C12orf42: variants seen among roughly 807,000 people sequenced by gnomAD.
C12orf42 encodes uncharacterized protein C12orf42.
A neutral mutation model predicts 21.6 loss-of-function variants in C12orf42; 25 were observed. That is an observed-to-expected ratio of 1.16 (90% confidence interval 0.84 to 1.62). The LOEUF (loss-of-function observed/expected upper bound fraction) is 1.62, where lower values mean the gene tolerates loss of function less well. Among genes scored for constraint, C12orf42 ranks in the 40% most tolerant of loss-of-function variants. The pLI is 0.00. For missense variants in C12orf42, 483 were observed against 459.3 expected, an observed-to-expected ratio of 1.05 and a Z score of -0.47; for synonymous variants, 174 against 175.0, an observed-to-expected ratio of 0.99 and a Z score of 0.05.
chr12:103,493,286 C>T (rs1001371804), intron 1 of C12orf42, among the ~76,000 whole-genome samples: 2 of 152,166 alleles, frequency 1.3e-5, no homozygotes, highest in Admixed American at 6.5e-5. Flanking sequence ...CCTCATCTTG[C>T]AATATTCTCC....
the C12orf42 span, among the ~76,000 whole-genome samples, chr12:103,529,195 CA>C: frequency 2.6e-5 from 4 of 152,204 alleles, no homozygotes; most frequent in Non-Finnish European, 5.9e-5. Flanking sequence ...CAAATCATCA[CA>C]ATGAACAGTA....
chr12:103,490,107 T>C (rs1294942405), intron 1 of C12orf42, among the ~76,000 whole-genome samples: 2 of 152,166 alleles, frequency 1.3e-5, no homozygotes, highest in Non-Finnish European at 2.9e-5. Flanking sequence ...CTATGTCAGG[T>C]TTATGTATTG....
At chr12:103,330,043 T>C (rs1478841728) in intron 4 of C12orf42, among the ~76,000 whole-genome samples, 1 of 152,174 alleles carries the variant, frequency 6.6e-6, no homozygotes, top group Non-Finnish European at 1.5e-5. Flanking sequence ...TGGGACCTCC[T>C]TTGCTCATTT....
At chr12:103,563,017 T>C in the C12orf42 span, among the ~76,000 whole-genome samples, 1 of 152,182 alleles carries the variant, frequency 6.6e-6, no homozygotes, top group Non-Finnish European at 1.5e-5. Flanking sequence ...AATGAACAAA[T>C]AGTTTGGATT....
the C12orf42 span, among the ~76,000 whole-genome samples, chr12:103,507,275 A>ATATATAAATATATAATATATATAT: frequency 1.4e-3 from 52 of 37,452 alleles, 5 homozygotes; most frequent in African/African-American, 0.018. Context: ...TATATATATT[A>ATATATAAATATATAATATATATAT]TATATATTTT....
chr12:103,057,766 G>A, the C12orf42 span, among the ~76,000 whole-genome samples: 1 of 152,024 alleles, frequency 6.6e-6, no homozygotes, highest in Non-Finnish European at 1.5e-5. Context: ...AGATCCTTGA[G>A]GAATCACCAC....
intron 10 of C12orf42, among the ~76,000 whole-genome samples, chr12:103,256,980 T>C (rs2034647463): frequency 1.3e-5 from 2 of 152,196 alleles, no homozygotes; most frequent in South Asian, 2.1e-4. Context: ...TCATTGTGGT[T>C]TTGACTGGAT....
At chr12:103,384,294 C>A (rs1373487802) in intron 3 of C12orf42, among the ~76,000 whole-genome samples, 1 of 151,946 alleles carries the variant, frequency 6.6e-6, no homozygotes, top group Non-Finnish European at 1.5e-5. Context: ...CTAGGAGAAA[C>A]AAAAAGGCAA....
At chr12:103,279,866 A>G (rs2035998365) in intron 4 of C12orf42, among the ~76,000 whole-genome samples, 1 of 152,148 alleles carries the variant, frequency 6.6e-6, no homozygotes, top group East Asian at 1.9e-4. Flanking sequence ...ATTATTGGAG[A>G]ACAGGTTTTC....
chr12:103,325,510 G>A (rs1371323272), intron 4 of C12orf42, among the ~76,000 whole-genome samples: 1 of 152,220 alleles, frequency 6.6e-6, no homozygotes. Flanking sequence ...TAAGCAAACA[G>A]CCAGTATTCT....
intron 4 of C12orf42, among the ~76,000 whole-genome samples, chr12:103,329,814 C>T (rs937044011): frequency 8.6e-5 from 13 of 151,784 alleles, no homozygotes; most frequent in African/African-American, 3.1e-4. Context: ...AGCTTTCCCC[C>T]TTTCTATTGC....
At chr12:103,341,106 C>CT (rs2042122574) in intron 4 of C12orf42, among the ~76,000 whole-genome samples, 1 of 96,710 alleles carries the variant, frequency 1.0e-5, no homozygotes, top group Non-Finnish European at 1.8e-5. Context: ...GAGCAAGACT[C>CT]TGTCTCAAAA....
chr12:103,219,609 C>T, the C12orf42 span, among the ~76,000 whole-genome samples: 1 of 152,152 alleles, frequency 6.6e-6, no homozygotes, highest in Non-Finnish European at 1.5e-5. Flanking sequence ...AGGATATGAA[C>T]AGACACTCCT....
the C12orf42 span, among the ~76,000 whole-genome samples, chr12:103,208,149 C>T: frequency 1.3e-5 from 2 of 152,158 alleles, no homozygotes; most frequent in Admixed American, 6.5e-5. Flanking sequence ...AGAGGCTAGT[C>T]GGCTATCGAC....
intron 4 of C12orf42, among the ~76,000 whole-genome samples, chr12:103,287,806 A>AAG (rs572273416): frequency 2.6e-5 from 4 of 151,044 alleles, no homozygotes; most frequent in Admixed American, 6.6e-5. Context: ...CAGAGAGAGA[A>AAG]AGAGAGAGAG....
intron 2 of C12orf42, among the ~76,000 whole-genome samples, chr12:103,410,300 A>C (rs1193972930): frequency 6.6e-6 from 1 of 152,218 alleles, no homozygotes; most frequent in Non-Finnish European, 1.5e-5. Context: ...CCAAATGTTA[A>C]TCCTGCTTCT....
At chr12:103,294,389 AAAAGAAAGAAAG>A (rs10579611) in intron 4 of C12orf42, among the ~76,000 whole-genome samples, 1 of 118,854 alleles carries the variant, frequency 8.4e-6, no homozygotes, top group South Asian at 2.7e-4. Context: ...AGAAAGAAGA[AAAAGAAAGAAAG>A]AAAGAAAGAA....
chr12:103,107,346 A>AT, the C12orf42 span, among the ~76,000 whole-genome samples: 5 of 151,976 alleles, frequency 3.3e-5, no homozygotes, highest in African/African-American at 1.2e-4. Flanking sequence ...CACCGTTAAC[A>AT]TTTACAAATT....
In C12orf42 at chr12:103,452,967, T is replaced by G. The variant is rs1952048053; in HGVS notation, c.78+25382A>C. On this transcript the variant is annotated intron_variant, in intron 2 of 5. Transcript: ENST00000548883. ...GTGCAGCACACCAACATGGCACATG[T>G]ATACATATGTAACAAACTTGCATGT... Among the ~76,000 whole-genome samples the G allele has an allele frequency of 2.0e-5, 3 of 151,846 alleles. No homozygotes were observed. The South Asian group carries it at 6.2e-4, about 31-fold the overall frequency.
Sources: gnomAD v4.1 joint callset for allele counts (sites outside exome capture counted in the v4.1 genomes callset) on GRCh38, gnomAD v4.1.1 for gene constraint, MANE v1.5 for transcripts, NCBI Gene and HGNC (gene_info 2026-07-23, HGNC 2026-07-21) for gene names.